The following SNAPC1 variants were observed in gnomAD, a reference collection of about 807,000 sequenced individuals.
The protein encoded by SNAPC1 is small nuclear RNA activating complex polypeptide 1, also known as snRNA-activating protein complex subunit 1.
A neutral mutation model predicts 50.1 loss-of-function variants in SNAPC1; 42 were observed. The observed-to-expected ratio is 0.84, with a 90% CI of 0.65 to 1.08. The LOEUF is 1.08. Ranked by LOEUF, SNAPC1 falls within the 50% of genes least tolerant of loss-of-function variation. SNAPC1 has a pLI of 0.00. For synonymous variants in SNAPC1, 164 were observed against 144.2 expected (o/e 1.14, Z -0.98); for missense variants, 477 against 427.3 (o/e 1.12, Z -1.02).
chr14:61,770,297 T>A (rs1200225105), intron 4 of SNAPC1, among the ~76,000 whole-genome samples: 1 of 151,500 alleles, frequency 6.6e-6, no homozygotes, highest in African/African-American at 2.4e-5. Context: ...GGCTGGAATG[T>A]AGTGGCACGA....
At position 61,795,512 on chromosome 14, in the gene SNAPC1, A is replaced by G. The variant is rs990362808; in HGVS notation, c.*529A>G. 9.9e-6 allele frequency: 1 copy of G among 100,970 alleles called. No individual in the cohort carries two copies. Among genetic ancestry groups the G allele is most frequent in the African/African-American group, 4.5e-5 (1 of 22,406 alleles). The allele number at this position is 100,970 out of a possible 1,614,324, so 6.3% of individuals were successfully genotyped here. On this transcript the variant is annotated 3_prime_UTR_variant, in exon 10 of 10. Coordinates refer to ENST00000216294, the MANE Select transcript of SNAPC1 (RefSeq NM_003082.4). ...TTACATTCTCATAACGTGATTGATA[A>G]CTTAGGAAGTTCACAATGTATTTTC... is the stretch of plus-strand genomic sequence containing the variant.
chr14:61,788,247 A>C (rs1331640480), intron 8 of SNAPC1, among the ~76,000 whole-genome samples: 1 of 152,228 alleles, frequency 6.6e-6, no homozygotes, highest in African/African-American at 2.4e-5. Flanking sequence ...TGGCTTAACT[A>C]ATCCAGCTAA....
At chr14:61,789,588 C>G (rs936330084) in intron 8 of SNAPC1, among the ~76,000 whole-genome samples, 1 of 151,950 alleles carries the variant, frequency 6.6e-6, no homozygotes, top group South Asian at 2.1e-4. Context: ...AACATAATTT[C>G]ATAGACTCAG....
In SNAPC1 at chr14:61,795,238, T is replaced by C; in HGVS notation, c.*255T>C. The C allele has an allele frequency of 2.4e-6, 1 of 415,218 alleles. No individual in the cohort carries two copies. Among genetic ancestry groups the C allele is most frequent in the East Asian group, 4.6e-5 (1 of 21,906 alleles). 25.7% of individuals were successfully genotyped at this position (415,218 alleles called of 1,614,324 possible). A position where few individuals can be genotyped will look rare whatever the true frequency, so the allele number is the denominator to read the frequency against. On this transcript the variant is annotated 3_prime_UTR_variant, in exon 10 of 10. Transcript: ENST00000216294. ...ATTTAGTATGTAATAGAAAAAATTC[T>C]GTTATTCGCAGATTGTTACTATTTC...
chr14:61,762,637 T>G (rs2044914618), intron 1 of SNAPC1, 49 bp downstream of exon 1: 2 of 1,607,550 alleles, frequency 1.2e-6, no homozygotes, highest in African/African-American at 1.3e-5. Flanking sequence ...GCAGGTGGTG[T>G]AGAAAGTTGC....
chr14:61,783,017 A>ATTTTT (rs767793462), intron 8 of SNAPC1, among the ~76,000 whole-genome samples: 147 of 115,242 alleles, frequency 1.3e-3, no homozygotes, highest in Non-Finnish European at 1.6e-3. Flanking sequence ...TTTCCAGTGC[A>ATTTTT]TTTTTTTTTT....
At chr14:61,778,812 G>C in intron 6 of SNAPC1, 36 bp from the exon 7 acceptor site, 1 of 1,308,348 alleles carries the variant, frequency 7.6e-7, no homozygotes, top group Non-Finnish European at 1.1e-6. Flanking sequence ...ATGTTTGTGT[G>C]TTTTAACTTT....
intron 8 of SNAPC1, among the ~76,000 whole-genome samples, chr14:61,789,682 G>A (rs1594652660): frequency 6.6e-6 from 1 of 152,202 alleles, no homozygotes; most frequent in Admixed American, 6.6e-5. Context: ...TTGTAAAGGG[G>A]ATATGTTGGG....
At position 61,767,363 on chromosome 14, in the gene SNAPC1, TA is replaced by T; in HGVS notation, c.429+15del. The T allele has an allele frequency of 7.1e-7, 1 of 1,418,386 alleles. No homozygotes were observed. Among genetic ancestry groups the T allele is most frequent in the South Asian group, 1.7e-5 (1 of 58,532 alleles). 87.9% of individuals were successfully genotyped at this position (1,418,386 alleles called of 1,614,324 possible). ...GCAATGCCCAAATTGGTATGTTGCC[TA>T]AAATAATTTGGTTTTTTCAAAATGA... On this transcript the variant is annotated intron_variant, in intron 3 of 9. Coordinates refer to ENST00000216294, the MANE Select transcript of SNAPC1 (RefSeq NM_003082.4).
chr14:61,769,285 G>A (rs936808843), intron 4 of SNAPC1, among the ~76,000 whole-genome samples: 1 of 151,950 alleles, frequency 6.6e-6, no homozygotes, highest in South Asian at 2.1e-4. Flanking sequence ...AAACCCCAGA[G>A]GTAGAGGTTG....
chr14:61,793,352 C>T (rs924098726), intron 9 of SNAPC1, among the ~76,000 whole-genome samples: 1 of 151,964 alleles, frequency 6.6e-6, no homozygotes, highest in Non-Finnish European at 1.5e-5. Context: ...ATCCTCCCCT[C>T]CCGCCTCAGC....
chr14:61,793,661 CTT>C (rs71117855), intron 9 of SNAPC1, among the ~76,000 whole-genome samples: 3 of 130,584 alleles, frequency 2.3e-5, no homozygotes, highest in Non-Finnish European at 3.1e-5. Flanking sequence ...TTCTTTTTTT[CTT>C]TTTTTTTTTT....
chr14:61,774,740 C>T (rs997538015), intron 4 of SNAPC1, among the ~76,000 whole-genome samples: 2 of 146,546 alleles, frequency 1.4e-5, no homozygotes, highest in East Asian at 2.0e-4. Flanking sequence ...CCTGGCTTAC[C>T]GCAACCTCTG....
intron 8 of SNAPC1, among the ~76,000 whole-genome samples, chr14:61,785,397 C>G (rs1339187405): frequency 6.6e-6 from 1 of 151,594 alleles, no homozygotes; most frequent in Non-Finnish European, 1.5e-5. Flanking sequence ...GCAACAAGAG[C>G]GAAATTCTGT....
intron 4 of SNAPC1, among the ~76,000 whole-genome samples, chr14:61,771,573 A>G (rs1185775392): frequency 1.3e-5 from 2 of 152,190 alleles, no homozygotes; most frequent in Admixed American, 6.5e-5. Flanking sequence ...AATAGAAGGA[A>G]TTTGTATTTT....
chr14:61,787,877 T>G (rs1247123979), intron 8 of SNAPC1, among the ~76,000 whole-genome samples: 4 of 152,210 alleles, frequency 2.6e-5, no homozygotes, highest in African/African-American at 9.6e-5. Context: ...CACTTTTTAT[T>G]AATTGCCTTC....
At chr14:61,769,355 T>C (rs1038774718) in intron 4 of SNAPC1, among the ~76,000 whole-genome samples, 5 of 147,896 alleles carry the variant, frequency 3.4e-5, no homozygotes, top group Non-Finnish European at 7.4e-5. Flanking sequence ...GATTCCGTTT[T>C]GAAAAACAAA....
chr14:61,763,664 C>G (rs1318387938), intron 1 of SNAPC1, among the ~76,000 whole-genome samples: 1 of 151,904 alleles, frequency 6.6e-6, no homozygotes, highest in Non-Finnish European at 1.5e-5. Context: ...ATGTTTTTTC[C>G]CCGCATAGCA....
chr14:61,772,974 T>C (rs1177679929), intron 4 of SNAPC1, among the ~76,000 whole-genome samples: 1 of 152,228 alleles, frequency 6.6e-6, no homozygotes, highest in Non-Finnish European at 1.5e-5. Context: ...CCTTGATACT[T>C]CTGCTGGCTC....
Sources: gnomAD v4.1 joint callset for allele counts (sites outside exome capture counted in the v4.1 genomes callset) on GRCh38, gnomAD v4.1.1 for gene constraint, MANE v1.5 for transcripts, NCBI Gene and HGNC (gene_info 2026-07-23, HGNC 2026-07-21) for gene names.